Variants in GRAMD1B observed in about 807,000 individuals in gnomAD.
GRAMD1B encodes the protein protein Aster-B.
In GRAMD1B, 37 loss-of-function variants were observed where a neutral mutation model predicts 99.7. The ratio of observed to expected loss-of-function variants is 0.37; its 90% CI spans 0.29 to 0.49. The LOEUF is 0.49. GRAMD1B is among the 20% of genes least tolerant of loss of function. The pLI, the probability that GRAMD1B is intolerant of heterozygous loss-of-function variation, is 0.98. For synonymous variants in GRAMD1B, 427 were observed against 387.6 expected, an observed-to-expected ratio of 1.10 and a Z score of -1.19; for missense variants, 888 against 1,009.2, an observed-to-expected ratio of 0.88 and a Z score of 1.63.
chr11:123,373,227 G>A lies in GRAMD1B; in HGVS notation c.-176+14428G>A, dbSNP rs1305255683. Reference sequence around the variant, plus strand: ...TTTCACTGGTCTGTTATACAACAAAGAGGCTAAAACTGTGTTGAGCAGCAG... The same window carrying A: ...TTTCACTGGTCTGTTATACAACAAAAAGGCTAAAACTGTGTTGAGCAGCAG... On this transcript the variant is annotated intron_variant, in intron 1 of 20. Coordinates refer to the GRAMD1B transcript ENST00000638157. 7.9e-5 allele frequency among the ~76,000 whole-genome samples: 12 copies of A among 152,160 alleles called. No homozygotes were observed. The East Asian group carries it at 2.1e-3, about 27-fold the overall frequency.
At chr11:123,464,836 C>T (rs1018123590) in intron 1 of GRAMD1B, among the ~76,000 whole-genome samples, 2 of 152,082 alleles carry the variant, frequency 1.3e-5, no homozygotes. Context: ...GGAGAGAGAA[C>T]TGCTGGAACT....
At chr11:123,550,085 T>C (rs752615082) in intron 2 of GRAMD1B, among the ~76,000 whole-genome samples, 47 of 152,184 alleles carry the variant, frequency 3.1e-4, no homozygotes, top group Non-Finnish European at 6.6e-4. Flanking sequence ...CGTGCCATCC[T>C]ATGGAAAGAG....
intron 1 of GRAMD1B, among the ~76,000 whole-genome samples, chr11:123,415,091 C>CTT (rs1948184246): frequency 2.1e-5 from 2 of 96,544 alleles, no homozygotes; most frequent in African/African-American, 3.9e-5. Context: ...TTTTCTTTTT[C>CTT]TTTCTTTTTT....
intron 1 of GRAMD1B, among the ~76,000 whole-genome samples, chr11:123,364,842 C>A (rs964094956): frequency 1.2e-4 from 18 of 149,740 alleles, no homozygotes; most frequent in Middle Eastern, 3.4e-3. Flanking sequence ...TCCAGTTTTT[C>A]AAAAAAAAAA....
chr11:123,549,085 TC>T (rs1945348579), intron 2 of GRAMD1B, among the ~76,000 whole-genome samples: 1 of 152,068 alleles, frequency 6.6e-6, no homozygotes, highest in African/African-American at 2.4e-5. Context: ...GATGAAATGG[TC>T]AGAAGAGAGA....
At chr11:123,543,274 A>G (rs546857121) in intron 2 of GRAMD1B, among the ~76,000 whole-genome samples, 2 of 152,356 alleles carry the variant, frequency 1.3e-5, no homozygotes, top group Admixed American at 1.3e-4. Context: ...TACCTGGAGC[A>G]TGGTAGGCAC....
intron 2 of GRAMD1B, among the ~76,000 whole-genome samples, chr11:123,564,900 G>A (rs1455846883): frequency 1.3e-5 from 2 of 152,196 alleles, no homozygotes; most frequent in Non-Finnish European, 2.9e-5. Context: ...GGAGAGTTTA[G>A]CGCCTTTCTG....
rs540939116 is a variant in GRAMD1B, at chr11:123,437,841, C to A, written c.374+6675C>A. Among the ~76,000 whole-genome samples, 3 of 152,296 alleles carry A rather than the reference C, an allele frequency of 2.0e-5. No individual in the cohort carries two copies. The South Asian group carries it at 6.2e-4, about 32-fold the overall frequency. On this transcript the variant is annotated intron_variant, in intron 1 of 19. Coordinates refer to ENST00000635736, the MANE Select transcript of GRAMD1B (RefSeq NM_001387025.1). ...GAGGGAGACTTGTTTCGGGTTTCAG[C>A]TCCATTTCCAGGAGAGCAGGGTGAT...
chr11:123,430,995 T>G lies in GRAMD1B; in HGVS notation c.203T>G (p.Leu68Trp). ...AGLARDLPAV[L>W]APGKEFLQLP... Reference sequence around the variant, plus strand: ...CTGGCCCGGGACCTGCCCGCCGTCTTGGCCCCCGGCAAGGAGTTCCTGCAG... The same window carrying G: ...CTGGCCCGGGACCTGCCCGCCGTCTGGGCCCCCGGCAAGGAGTTCCTGCAG... The change falls in exon 1 of 20, where the codon TTG (leucine) becomes TGG (tryptophan). Residue 68 changes from leucine to tryptophan, a missense_variant. Physicochemically the swap from Leu to Trp is moderately conservative, Grantham distance 61 (BLOSUM62 -2). This residue lies in a region of GRAMD1B where 233 missense variants were observed against 154.6 expected (regional missense o/e 1.51). Transcript: ENST00000635736. 1 of 702,902 alleles carries G rather than the reference T, an allele frequency of 1.4e-6. No individual in the cohort carries two copies. The highest frequency in any genetic ancestry group is 2.7e-5 in the East Asian group (1 of 37,254). 43.5% of individuals were successfully genotyped at this position (702,902 alleles called of 1,614,324 possible). A position where few individuals can be genotyped will look rare whatever the true frequency, so the allele number is the denominator to read the frequency against.
At chr11:123,512,097 A>T (rs1941083924) in intron 2 of GRAMD1B, among the ~76,000 whole-genome samples, 1 of 152,196 alleles carries the variant, frequency 6.6e-6, no homozygotes, top group African/African-American at 2.4e-5. Context: ...TTCCACAAAC[A>T]TCTGAATAGC....
chr11:123,539,440 AAT>A (rs1491223644), intron 2 of GRAMD1B, among the ~76,000 whole-genome samples: 30 of 102,094 alleles, frequency 2.9e-4, no homozygotes, highest in Admixed American at 8.5e-4. Flanking sequence ...CATGTCCAAA[AAT>A]AAAAATAAAA....
chr11:123,572,441 T>C (rs1948210691), intron 2 of GRAMD1B, among the ~76,000 whole-genome samples: 1 of 152,228 alleles, frequency 6.6e-6, no homozygotes, highest in African/African-American at 2.4e-5. Context: ...TACTCAGGAA[T>C]TGGTTTTGTT....
At chr11:123,513,561 C>CT (rs1445326860) in intron 2 of GRAMD1B, among the ~76,000 whole-genome samples, 5 of 104,856 alleles carry the variant, frequency 4.8e-5, no homozygotes, top group African/African-American at 2.1e-4. Context: ...TCTTTCCTTC[C>CT]TTCCTTCCTT....
chr11:123,552,433 C>T (rs1347793633), intron 2 of GRAMD1B, among the ~76,000 whole-genome samples: 2 of 151,954 alleles, frequency 1.3e-5, no homozygotes, highest in African/African-American at 2.4e-5. Context: ...CATCACCACG[C>T]CCAGCTAATT....
intron 1 of GRAMD1B, among the ~76,000 whole-genome samples, chr11:123,395,597 G>A (rs892519754): frequency 6.6e-6 from 1 of 152,174 alleles, no homozygotes; most frequent in Non-Finnish European, 1.5e-5. Flanking sequence ...AAGCAGTCAC[G>A]TATGCTTGAG....
At chr11:123,445,371 G>A (rs564193377) in intron 1 of GRAMD1B, among the ~76,000 whole-genome samples, 34 of 152,262 alleles carry the variant, frequency 2.2e-4, no homozygotes, top group Non-Finnish European at 4.1e-4. Context: ...GATTTTCAGG[G>A]TTGGATGGAA....
intron 2 of GRAMD1B, among the ~76,000 whole-genome samples, chr11:123,493,630 C>G (rs1233581494): frequency 6.6e-6 from 1 of 152,176 alleles, no homozygotes; most frequent in Non-Finnish European, 1.5e-5. Context: ...CCCACTCGAA[C>G]TCCATGTGGA....
intron 1 of GRAMD1B, among the ~76,000 whole-genome samples, chr11:123,466,130 G>T (rs1169756285): frequency 1.3e-5 from 2 of 152,022 alleles, no homozygotes; most frequent in Non-Finnish European, 2.9e-5. Context: ...ACAAAAATTA[G>T]CTGGGAGTGG....
chr11:123,372,677 C>T (rs889640270), intron 1 of GRAMD1B, among the ~76,000 whole-genome samples: 2 of 152,140 alleles, frequency 1.3e-5, no homozygotes, highest in African/African-American at 2.4e-5. Flanking sequence ...CTCCTTCCCT[C>T]GTTTTCTGGT....
Sources: gnomAD v4.1 joint callset for allele counts (sites outside exome capture counted in the v4.1 genomes callset) on GRCh38, gnomAD v4.1.1 for gene constraint, gnomAD v4.1.1 regional missense constraint, MANE v1.5 for transcripts, NCBI Gene and HGNC (gene_info 2026-07-23, HGNC 2026-07-21) for gene names.